CLIP1: variants seen among roughly 807,000 people sequenced by gnomAD.
CLIP1 encodes the protein CAP-Gly domain containing linker protein 1, also known as CAP-Gly domain-containing linker protein 1.
A neutral mutation model predicts 161.6 loss-of-function variants in CLIP1; 66 were observed. The observed-to-expected ratio is 0.41, with a 90% CI of 0.33 to 0.50. The LOEUF is 0.50. CLIP1 is among the 20% of genes least tolerant of loss of function. CLIP1 has a pLI of 0.27. For missense variants in CLIP1, 1,376 were observed against 1,702.0 expected (o/e 0.81, Z 3.37); for synonymous variants, 598 against 626.2 (o/e 0.96, Z 0.67).
intron 20 of CLIP1, among the ~76,000 whole-genome samples, chr12:122,292,881 T>C (rs1005669932): frequency 8.6e-5 from 13 of 151,272 alleles, no homozygotes; most frequent in South Asian, 2.1e-4. Context: ...TGGGCGCCTG[T>C]AGTCCCAGCT....
chr12:122,320,245 G>A lies in CLIP1; in HGVS notation c.3250-897C>T, dbSNP rs181343382. Among the ~76,000 whole-genome samples the A allele has an allele frequency of 2.1e-4, 30 of 143,130 alleles. No individual in the cohort carries two copies. In the East Asian group the frequency reaches 4.9e-3, roughly 23 times the overall value. 93.9% of individuals were successfully genotyped at this position (143,130 alleles called of 152,430 possible). A position where few individuals can be genotyped will look rare whatever the true frequency, so the allele number is the denominator to read the frequency against. The stretch of plus-strand genomic sequence containing the variant: ...TTGCGCCACTGCACTCCAGCCTGGC[G>A]ACACAGCGAGACTCCGTCTCAAAAA... On this transcript the variant is annotated intron_variant, in intron 17 of 25. Transcript: ENST00000620786.
At chr12:122,397,970 A>G (rs1955989674) in intron 1 of CLIP1, among the ~76,000 whole-genome samples, 1 of 151,536 alleles carries the variant, frequency 6.6e-6, no homozygotes, top group South Asian at 2.1e-4. Flanking sequence ...AAAACAAAAA[A>G]AAAAGAAAAT....
intron 1 of CLIP1, among the ~76,000 whole-genome samples, chr12:122,382,704 CAATAAATA>C (rs35084508): frequency 0.023 from 3,423 of 150,922 alleles, 110 homozygotes; most frequent in African/African-American, 0.076. Flanking sequence ...GACTATGTCT[CAATAAATA>C]AATAAATAAA....
intron 1 of CLIP1, among the ~76,000 whole-genome samples, chr12:122,419,665 G>A (rs1956870914): frequency 6.6e-6 from 1 of 152,082 alleles, no homozygotes; most frequent in East Asian, 1.9e-4. Context: ...GCCGGGCACA[G>A]TGGCTCATGC....
chr12:122,355,420 C>T lies in CLIP1; in HGVS notation c.1006-108G>A. The T allele has an allele frequency of 1.0e-6, 1 of 957,180 alleles. No individual in the cohort carries two copies. Among genetic ancestry groups the T allele is most frequent in the South Asian group, 1.6e-5 (1 of 63,448 alleles). 59.3% of individuals were successfully genotyped at this position (957,180 alleles called of 1,614,324 possible). On this transcript the variant is annotated intron_variant, in intron 5 of 25. Coordinates refer to ENST00000620786, the MANE Select transcript of CLIP1 (RefSeq NM_001247997.2). The surrounding 1 kb of genome is among the most constrained non-coding windows in gnomAD (Gnocchi z 4.1). Reference sequence around the variant, plus strand: ...TGCTCGGCAAAGCAAGGGCGCTGCTCCAGCTGGCAGGCTGGCCAGGATTAG... The same window carrying T: ...TGCTCGGCAAAGCAAGGGCGCTGCTTCAGCTGGCAGGCTGGCCAGGATTAG...
intron 18 of CLIP1, among the ~76,000 whole-genome samples, chr12:122,317,284 T>C (rs1163601308): frequency 1.3e-5 from 2 of 152,262 alleles, no homozygotes; most frequent in Non-Finnish European, 2.9e-5. Flanking sequence ...GGATACGATA[T>C]TTTTCAATGT....
chr12:122,357,173 C>G (rs1418840495), intron 5 of CLIP1, among the ~76,000 whole-genome samples: 1 of 151,916 alleles, frequency 6.6e-6, no homozygotes, highest in South Asian at 2.1e-4. Context: ...TCCCGGCCGC[C>G]GTCCCATCTA....
At chr12:122,329,235 G>A (rs1227144627) in intron 15 of CLIP1, among the ~76,000 whole-genome samples, 2 of 152,168 alleles carry the variant, frequency 1.3e-5, no homozygotes, top group African/African-American at 2.4e-5. Context: ...GCTGAGGCAG[G>A]AGAACTGCTT....
chr12:122,336,962 GTT>G (rs11433673), intron 11 of CLIP1, among the ~76,000 whole-genome samples: 3 of 144,362 alleles, frequency 2.1e-5, no homozygotes, highest in Middle Eastern at 3.7e-3. Flanking sequence ...CTATTTTTGT[GTT>G]TTTTTTTTTT....
At chr12:122,422,314 C>T (rs1956978196) in intron 1 of CLIP1, among the ~76,000 whole-genome samples, 2 of 151,814 alleles carry the variant, frequency 1.3e-5, no homozygotes, top group Admixed American at 6.6e-5. Context: ...GGAGGAGCCC[C>T]CCAGGGACCC....
chr12:122,390,279 CATATATATAT>C (rs1179187571), intron 1 of CLIP1, among the ~76,000 whole-genome samples: 20 of 79,016 alleles, frequency 2.5e-4, no homozygotes, highest in East Asian at 5.8e-4. Flanking sequence ...TATATATATA[CATATATATAT>C]ATATATATAT....
At chr12:122,333,382 A>C (rs1952076095) in intron 14 of CLIP1, among the ~76,000 whole-genome samples, 1 of 152,188 alleles carries the variant, frequency 6.6e-6, no homozygotes, top group African/African-American at 2.4e-5. Context: ...GGAGGTTAGA[A>C]TCTCAGATGG....
At chr12:122,322,321 C>A (rs1395385606) in intron 17 of CLIP1, 2 of 152,646 alleles carry the variant, frequency 1.3e-5, no homozygotes, top group Non-Finnish European at 2.9e-5. Flanking sequence ...CCTTTTCCAG[C>A]ATCATTTCGC....
At chr12:122,295,143 C>T (rs748625628) in intron 20 of CLIP1, among the ~76,000 whole-genome samples, 4 of 151,682 alleles carry the variant, frequency 2.6e-5, no homozygotes, top group African/African-American at 4.8e-5. Flanking sequence ...CTGAGATGGG[C>T]GGCAAATCAT....
intron 17 of CLIP1, among the ~76,000 whole-genome samples, chr12:122,320,817 C>A (rs901986864): frequency 6.6e-6 from 1 of 151,176 alleles, no homozygotes; most frequent in Non-Finnish European, 1.5e-5. Flanking sequence ...TCAAGTGATT[C>A]TCCTGCCTCA....
At chr12:122,315,789 C>T (rs988831456) in intron 19 of CLIP1, among the ~76,000 whole-genome samples, 20 of 151,620 alleles carry the variant, frequency 1.3e-4, no homozygotes, top group African/African-American at 4.4e-4. Flanking sequence ...TACAGGCGTC[C>T]GCCACCACGC....
At chr12:122,291,482 G>C (rs1180808837) in intron 20 of CLIP1, among the ~76,000 whole-genome samples, 1 of 152,140 alleles carries the variant, frequency 6.6e-6, no homozygotes, top group Non-Finnish European at 1.5e-5. Context: ...GAGCTATCAC[G>C]CCCGGCCAGT....
In CLIP1 at chr12:122,279,242, G is replaced by GA; in HGVS notation, c.3648-98_3648-97insT. ...AAACACATAATTAATGTTAGTTAAT[G>GA]TAAAAAAAAAAATATAACAGGGAAG... On this transcript the variant is annotated intron_variant, in intron 21 of 25. Transcript: ENST00000620786. This position sits in a 1 kb window ranked among gnomAD's most constrained non-coding sequence, Gnocchi z 4.5. The GA allele has an allele frequency of 2.7e-6, 2 of 745,492 alleles. No individual in the cohort carries two copies. The highest frequency in any genetic ancestry group is 2.3e-5 in the South Asian group (1 of 43,002). The allele number at this position is 745,492 out of a possible 1,614,324, so 46.2% of individuals were successfully genotyped here.
At chr12:122,399,612 G>T (rs1217063031) in intron 1 of CLIP1, 2 of 152,088 alleles carry the variant, frequency 1.3e-5, no homozygotes. Flanking sequence ...GGAGGCAAAG[G>T]AGAGTTGAAG....
Sources: gnomAD v4.1 joint callset for allele counts (sites outside exome capture counted in the v4.1 genomes callset) on GRCh38, gnomAD v4.1.1 for gene constraint, Gnocchi (gnomAD v3.1) non-coding constraint, MANE v1.5 for transcripts, NCBI Gene and HGNC (gene_info 2026-07-23, HGNC 2026-07-21) for gene names.